Variants in KIAA1549 observed in about 807,000 individuals in gnomAD.
The protein encoded by KIAA1549 is KIAA1549.
In KIAA1549, 70 loss-of-function variants were observed where a neutral mutation model predicts 156.4. That is an observed-to-expected ratio of 0.45 (90% CI 0.37 to 0.55). The LOEUF is 0.55. Among genes scored for constraint, KIAA1549 ranks in the 20% least tolerant of loss-of-function variants. KIAA1549 has a pLI of 0.00. For missense variants in KIAA1549, 2,428 were observed against 2,540.9 expected, an observed-to-expected ratio of 0.96 and a Z score of 0.96; for synonymous variants, 1,103 against 1,066.4, an observed-to-expected ratio of 1.03 and a Z score of -0.67.
chr7:138,927,265 G>A lies in KIAA1549; in HGVS notation c.188-7827C>T, dbSNP rs146178423. On this transcript the variant is annotated intron_variant, in intron 1 of 19. Coordinates refer to ENST00000422774, the MANE Select transcript of KIAA1549 (RefSeq NM_001164665.2). ...TTGTTATTACAAACATTTCTGATACGAACTTTCCTACCTGTTTTCTGGTGC... is the reference window on the plus strand; with the variant it reads ...TTGTTATTACAAACATTTCTGATACAAACTTTCCTACCTGTTTTCTGGTGC... 2.5e-4 allele frequency among the ~76,000 whole-genome samples: 38 copies of A among 152,254 alleles called. No individual in the cohort carries two copies. The East Asian group carries it at 6.2e-3, about 25-fold the overall frequency.
At chr7:138,891,534 C>T (rs748949660) in intron 10 of KIAA1549, among the ~76,000 whole-genome samples, 7 of 152,162 alleles carry the variant, frequency 4.6e-5, no homozygotes, top group Non-Finnish European at 1.0e-4. Context: ...TAAGCAAAGG[C>T]TGTGCCTCAA....
intron 10 of KIAA1549, among the ~76,000 whole-genome samples, chr7:138,886,936 C>G (rs1283245764): frequency 2.0e-5 from 3 of 151,986 alleles, no homozygotes; most frequent in Non-Finnish European, 4.4e-5. Flanking sequence ...GAGTCTCACT[C>G]TGTTGCCCAG....
At chr7:138,937,093 C>T (rs1813036195) in intron 1 of KIAA1549, among the ~76,000 whole-genome samples, 1 of 152,170 alleles carries the variant, frequency 6.6e-6, no homozygotes, top group African/African-American at 2.4e-5. Flanking sequence ...CAAGAGCCTT[C>T]AGCTCCCCGT....
At chr7:138,925,902 C>T (rs544548044) in intron 1 of KIAA1549, among the ~76,000 whole-genome samples, 1 of 140,464 alleles carries the variant, frequency 7.1e-6, no homozygotes, top group Non-Finnish European at 1.5e-5. Context: ...AAAGCACTTG[C>T]TAAATTCTGT....
At chr7:138,903,852 T>TGCGCGCGC in intron 7 of KIAA1549, 116 bp from the exon 8 acceptor site, 2 of 285,778 alleles carry the variant, frequency 7.0e-6, no homozygotes, top group South Asian at 4.4e-5. Flanking sequence ...TGTGTGTGTG[T>TGCGCGCGC]GCGCGCGCGC....
chr7:138,916,672 A>C, intron 2 of KIAA1549, 76 bp downstream of exon 2: 1 of 1,564,270 alleles, frequency 6.4e-7, no homozygotes, highest in East Asian at 2.3e-5. Flanking sequence ...TGAAGCTCCA[A>C]GCCTCACAGG....
intron 15 of KIAA1549, 142 bp downstream of exon 15, chr7:138,867,832 GC>G: frequency 1.2e-6 from 1 of 864,026 alleles, no homozygotes; most frequent in Non-Finnish European, 1.8e-6. Context: ...GACCTAGAGG[GC>G]CCTGGTGCAT....
intron 12 of KIAA1549, among the ~76,000 whole-genome samples, chr7:138,874,103 T>C (rs993645932): frequency 1.3e-5 from 2 of 148,420 alleles, no homozygotes; most frequent in African/African-American, 2.4e-5. Context: ...AATATAATTA[T>C]ATAATATATA....
intron 1 of KIAA1549, among the ~76,000 whole-genome samples, chr7:138,920,168 C>T (rs1812524025): frequency 6.9e-6 from 1 of 145,708 alleles, no homozygotes. Flanking sequence ...CTGGAATGCC[C>T]TTCCCAGCTC....
rs773793540 is a variant in KIAA1549 at position 138,837,930 on chromosome 7, G to A, written c.5829C>T (p.Ser1943=). 1 of 1,613,830 alleles carries A rather than the reference G, an allele frequency of 6.2e-7. No individual in the cohort carries two copies. Among genetic ancestry groups the A allele is most frequent in the Admixed American group, 1.7e-5 (1 of 60,026 alleles). Residue 1943 remains serine, a synonymous_variant, in exon 20 of 20, where the codon AGC becomes AGT. Coordinates refer to ENST00000422774, the MANE Select transcript of KIAA1549 (RefSeq NM_001164665.2). ...EELLRLSQKQ[S]TVQNFHS is the part of the protein sequence containing the mutation. ...ATCAGCTGTGGAAGTTCTGCACGGT[G>A]CTCTGTTTCTGGGAGAGCCGGAGGA...
At position 138,981,163 on chromosome 7, in the gene KIAA1549, C is replaced by T; in HGVS notation, c.107G>A (p.Cys36Tyr). 1 of 1,180,512 alleles carries T rather than the reference C, an allele frequency of 8.5e-7. No homozygotes were observed. The highest frequency in any genetic ancestry group is 1.0e-6 in the Non-Finnish European group (1 of 955,238). 73.1% of individuals were successfully genotyped at this position (1,180,512 alleles called of 1,614,324 possible). Residue 36 changes from cysteine (C) to tyrosine (Y), a missense_variant, in exon 1 of 20, where the codon TGC becomes TAC. Cys to Tyr is a radical substitution (Grantham distance 194). Transcript: ENST00000422774. The surrounding 1 kb of genome is among the most constrained non-coding windows in gnomAD (Gnocchi z 4.5). ...GPSGRRPSAR[C>Y]ARRRRPGLLL... is the part of the protein sequence containing the mutation. ...CAGCCCCGGGCGGCGGCGGCGGGCGCAGCGGGCGGAAGGCCGTCGGCCGCT... is the reference window on the plus strand; with the variant it reads ...CAGCCCCGGGCGGCGGCGGCGGGCGTAGCGGGCGGAAGGCCGTCGGCCGCT...
chr7:138,930,526 G>C (rs546858850), intron 1 of KIAA1549, among the ~76,000 whole-genome samples: 2 of 152,176 alleles, frequency 1.3e-5, no homozygotes, highest in Non-Finnish European at 2.9e-5. Flanking sequence ...TAAATCCTCC[G>C]GATAATTTGC....
chr7:138,838,186 T>C, intron 19 of KIAA1549, 26 bp from the exon 20 acceptor site: 1 of 1,448,212 alleles, frequency 6.9e-7, no homozygotes. Context: ...AACGTCACTG[T>C]ACTTCCTACG....
Position 138,911,332 on chromosome 7 carries a change from A to G in KIAA1549, c.2968-9T>C, listed in dbSNP as rs761069492. 14 of 1,555,942 alleles carry G rather than the reference A, an allele frequency of 9.0e-6. No homozygotes were observed. The African/African-American group carries it at 1.5e-4, about 17-fold the overall frequency. ...GTAAATAGTTCGTAAACCTAGGGAA[A>G]TAAGAAATACAAAGACAATTCAAAC... On this transcript the variant is annotated splice_polypyrimidine_tract_variant and intron_variant, in intron 3 of 19. Coordinates refer to ENST00000422774, the MANE Select transcript of KIAA1549 (RefSeq NM_001164665.2).
intron 10 of KIAA1549, among the ~76,000 whole-genome samples, chr7:138,884,594 A>G (rs1811338969): frequency 6.6e-6 from 1 of 152,238 alleles, no homozygotes; most frequent in Non-Finnish European, 1.5e-5. Flanking sequence ...ACCTACGAAC[A>G]ATAAAATCTG....
At chr7:138,911,393 T>C in intron 3 of KIAA1549, 70 bp from the exon 4 acceptor site, 1 of 1,210,388 alleles carries the variant, frequency 8.3e-7, no homozygotes, top group South Asian at 1.5e-5. Context: ...AAATAAAAAA[T>C]TATAAACTAA....
At chr7:138,894,147 G>T (rs1370723274) in intron 10 of KIAA1549, among the ~76,000 whole-genome samples, 195 bp downstream of exon 10, 1 of 152,186 alleles carries the variant, frequency 6.6e-6, no homozygotes, top group African/African-American at 2.4e-5. Context: ...CACATTCTTG[G>T]ACTGTATTTA....
chr7:138,960,300 T>C (rs1420394884), intron 1 of KIAA1549, among the ~76,000 whole-genome samples: 1 of 85,256 alleles, frequency 1.2e-5, no homozygotes, highest in Non-Finnish European at 2.4e-5. Context: ...TATTGATTTA[T>C]TGATTTATTT....
At chr7:138,861,683 C>A (rs1425802567) in intron 15 of KIAA1549, among the ~76,000 whole-genome samples, 1 of 148,984 alleles carries the variant, frequency 6.7e-6, no homozygotes, top group Non-Finnish European at 1.5e-5. Context: ...GAGACCCCCC[C>A]CATCTCTAAA....
Sources: gnomAD v4.1 joint callset for allele counts (sites outside exome capture counted in the v4.1 genomes callset) on GRCh38, gnomAD v4.1.1 for gene constraint, Gnocchi (gnomAD v3.1) non-coding constraint, MANE v1.5 for transcripts, NCBI Gene and HGNC (gene_info 2026-07-23, HGNC 2026-07-21) for gene names.